The following EXOC6B variants were observed in gnomAD, a reference collection of about 807,000 sequenced individuals.
The protein encoded by EXOC6B is exocyst complex component 6B.
Under a neutral mutation model 113.5 loss-of-function variants are expected in EXOC6B, and 54 were observed. The ratio of observed to expected loss-of-function variants is 0.48; its 90% confidence interval spans 0.38 to 0.60. The LOEUF (loss-of-function observed/expected upper bound fraction) is 0.60, where lower values mean the gene tolerates loss of function less well. Among genes scored for constraint, EXOC6B ranks in the 20% least tolerant of loss-of-function variants. The pLI, the probability that EXOC6B is intolerant of heterozygous loss-of-function variation, is 0.00. For synonymous variants in EXOC6B, 357 were observed against 339.0 expected, an observed-to-expected ratio of 1.05 and a Z score of -0.58; for missense variants, 797 against 977.5, an observed-to-expected ratio of 0.82 and a Z score of 2.46.
At chr2:72,336,882 C>T (rs1688721706) in intron 19 of EXOC6B, among the ~76,000 whole-genome samples, 2 of 151,928 alleles carry the variant, frequency 1.3e-5, no homozygotes, top group South Asian at 4.1e-4. Flanking sequence ...TGACACATGC[C>T]TGTAATCTGA....
intron 6 of EXOC6B, among the ~76,000 whole-genome samples, chr2:72,655,356 G>A (rs1474034919): frequency 6.6e-6 from 1 of 151,410 alleles, no homozygotes; most frequent in Non-Finnish European, 1.5e-5. Context: ...TTTTTAAAGG[G>A]CAAACTAAAA....
At chr2:72,318,565 T>C (rs1183066778) in intron 20 of EXOC6B, among the ~76,000 whole-genome samples, 1 of 152,160 alleles carries the variant, frequency 6.6e-6, no homozygotes, top group Non-Finnish European at 1.5e-5. Context: ...GCCAATTTTG[T>C]ACTATTAGTA....
At chr2:72,482,987 A>G (rs1424327365) in intron 16 of EXOC6B, among the ~76,000 whole-genome samples, 1 of 152,198 alleles carries the variant, frequency 6.6e-6, no homozygotes, top group Non-Finnish European at 1.5e-5. Context: ...AAGTTCATAT[A>G]CATCAGCTCT....
intron 6 of EXOC6B, among the ~76,000 whole-genome samples, chr2:72,672,572 AAAAAG>A (rs1675978459): frequency 6.6e-6 from 1 of 151,772 alleles, no homozygotes; most frequent in Non-Finnish European, 1.5e-5. Context: ...AAAGAAAAAG[AAAAAG>A]AAAAGAAAAG....
intron 18 of EXOC6B, among the ~76,000 whole-genome samples, chr2:72,391,812 T>C (rs990228059): frequency 6.6e-6 from 1 of 152,078 alleles, no homozygotes; most frequent in African/African-American, 2.4e-5. Flanking sequence ...AAAGCTAAGG[T>C]GGAGGATCCT....
intron 19 of EXOC6B, among the ~76,000 whole-genome samples, chr2:72,370,828 C>A (rs1311274310): frequency 1.4e-5 from 2 of 144,460 alleles, no homozygotes; most frequent in Non-Finnish European, 3.0e-5. Flanking sequence ...CACTTGGACA[C>A]AAGAAGGGGA....
At chr2:72,549,780 G>A (rs947586286) in intron 8 of EXOC6B, among the ~76,000 whole-genome samples, 1 of 152,066 alleles carries the variant, frequency 6.6e-6, no homozygotes, top group African/African-American at 2.4e-5. Context: ...AAGAAAAGTG[G>A]GACAAGGGTA....
At chr2:72,211,937 T>G (rs914586763) in intron 20 of EXOC6B, among the ~76,000 whole-genome samples, 1 of 151,990 alleles carries the variant, frequency 6.6e-6, no homozygotes, top group African/African-American at 2.4e-5. Context: ...CCAAACCACA[T>G]AGCTCTCCCA....
intron 18 of EXOC6B, among the ~76,000 whole-genome samples, chr2:72,427,637 C>A (rs1011425166): frequency 6.6e-6 from 1 of 152,200 alleles, no homozygotes. Context: ...GAACTCAGCA[C>A]TGGCTTGCAG....
chr2:72,443,884 AC>A (rs1696392442), intron 18 of EXOC6B, among the ~76,000 whole-genome samples: 1 of 152,064 alleles, frequency 6.6e-6, no homozygotes, highest in African/African-American at 2.4e-5. Flanking sequence ...ACACAGCCAA[AC>A]CATATCATTC....
intron 1 of EXOC6B, among the ~76,000 whole-genome samples, chr2:72,785,081 C>T (rs1684291512): frequency 6.6e-6 from 1 of 152,110 alleles, no homozygotes; most frequent in South Asian, 2.1e-4. Flanking sequence ...GTCCAAAATC[C>T]AGGGGGCAGT....
chr2:72,468,441 G>A (rs576019517), intron 17 of EXOC6B, among the ~76,000 whole-genome samples: 4 of 152,040 alleles, frequency 2.6e-5, no homozygotes, highest in African/African-American at 9.6e-5. Context: ...TGGCATCTTT[G>A]TCAAAAATTA....
chr2:72,758,166 CAAAA>C (rs59339550), intron 1 of EXOC6B, among the ~76,000 whole-genome samples: 84 of 93,820 alleles, frequency 9.0e-4, no homozygotes, highest in African/African-American at 3.2e-3. Context: ...GACTCTGTCT[CAAAA>C]AAAAAAAAAA....
At chr2:72,545,380 C>T (rs1048732710) in intron 8 of EXOC6B, among the ~76,000 whole-genome samples, 13 of 151,888 alleles carry the variant, frequency 8.6e-5, no homozygotes, top group Non-Finnish European at 1.6e-4. Context: ...AATCGACTAT[C>T]GAAAATACAC....
intron 17 of EXOC6B, among the ~76,000 whole-genome samples, chr2:72,477,767 A>G (rs1476343667): frequency 6.6e-6 from 1 of 152,120 alleles, no homozygotes; most frequent in Admixed American, 6.5e-5. Flanking sequence ...CCCCCTTACT[A>G]TTTCTTGAAC....
chr2:72,410,821 A>G (rs988415463), intron 18 of EXOC6B, among the ~76,000 whole-genome samples: 3 of 152,178 alleles, frequency 2.0e-5, no homozygotes, highest in Non-Finnish European at 2.9e-5. Flanking sequence ...CATATAGGTA[A>G]CACTACTAAG....
At chr2:72,788,054 T>A (rs181583153) in intron 1 of EXOC6B, among the ~76,000 whole-genome samples, 1 of 152,232 alleles carries the variant, frequency 6.6e-6, no homozygotes, top group Non-Finnish European at 1.5e-5. Context: ...ATAGTGTTCT[T>A]ACCTGACATA....
intron 1 of EXOC6B, among the ~76,000 whole-genome samples, chr2:72,785,816 T>G (rs1684343709): frequency 1.3e-5 from 2 of 152,382 alleles, no homozygotes; most frequent in South Asian, 2.1e-4. Flanking sequence ...TCCTTGATAC[T>G]TATCCAAATT....
At chr2:72,681,968 A>C (rs1203781618) in intron 6 of EXOC6B, among the ~76,000 whole-genome samples, 2 of 150,286 alleles carry the variant, frequency 1.3e-5, no homozygotes, top group Non-Finnish European at 3.0e-5. Context: ...GCCTAATTTT[A>C]GTTCATAAAG....
Sources: allele counts gnomAD v4.1 joint callset (sites outside exome capture counted in the v4.1 genomes callset), GRCh38; gene constraint gnomAD v4.1.1; transcripts MANE v1.5; gene names NCBI Gene and HGNC (gene_info 2026-07-23, HGNC 2026-07-21).